The following NCR1 variants were observed in gnomAD, a reference collection of about 807,000 sequenced individuals.
NCR1 encodes the protein natural cytotoxicity triggering receptor 1, also known as NK cell-activating receptor.
A neutral mutation model predicts 32.5 loss-of-function variants in NCR1; 30 were observed. That is an observed-to-expected ratio of 0.92 (90% CI 0.69 to 1.25). The LOEUF (loss-of-function observed/expected upper bound fraction) is 1.25. NCR1 is among the 50% of genes most tolerant of loss of function. The pLI, the probability that NCR1 is intolerant of heterozygous loss-of-function variation, is 0.00. For missense variants in NCR1, 369 were observed against 380.7 expected (o/e 0.97, Z 0.26); for synonymous variants, 169 against 143.4 (o/e 1.18, Z -1.28).
At chr19:54,919,405 G>A (rs2068197915), downstream of NCR1, among the ~76,000 whole-genome samples, 2 of 152,344 alleles carry the variant, frequency 1.3e-5, no homozygotes, top group South Asian at 2.1e-4. Flanking sequence ...CCACTGGACA[G>A]GGGGCCCTTC....
At chr19:54,913,341 G>A (rs1223200176), downstream of NCR1, among the ~76,000 whole-genome samples, 3 of 152,060 alleles carry the variant, frequency 2.0e-5, no homozygotes, top group Non-Finnish European at 1.5e-5. Flanking sequence ...GGCATAAGCC[G>A]CTGCGCCCAG....
intron 4 of NCR1, 38 bp from the exon 5 acceptor site, chr19:54,909,980 A>G (rs1355215013): frequency 1.3e-6 from 2 of 1,571,542 alleles, no homozygotes; most frequent in East Asian, 2.3e-5. Context: ...GGAGGAAACC[A>G]AAAACCCTTA....
At chr19:54,916,470 C>G (rs908232708), downstream of NCR1, among the ~76,000 whole-genome samples, 3 of 151,128 alleles carry the variant, frequency 2.0e-5, no homozygotes, top group African/African-American at 7.3e-5. Flanking sequence ...AAGTGCGTGC[C>G]ACCACGCCCG....
chr19:54,911,273 C>T lies in NCR1; in HGVS notation c.683-895C>T, dbSNP rs587752128. Among the ~76,000 whole-genome samples the T allele has an allele frequency of 1.4e-3, 218 of 150,800 alleles. 2 individuals are homozygous for T. The highest frequency in any genetic ancestry group is 1.5e-3 in the Non-Finnish European group (101 of 67,726). ...CTGAGGCAGGAGAATGGCGTGAACC[C>T]GGGAGACGGAGCTTGCAGTGAGCTG... On this transcript the variant is annotated intron_variant, in intron 5 of 6. Coordinates refer to ENST00000291890, the MANE Select transcript of NCR1 (RefSeq NM_004829.7).
At chr19:54,905,555 GA>G (rs770964619), upstream of NCR1, among the ~76,000 whole-genome samples, 1 of 152,112 alleles carries the variant, frequency 6.6e-6, no homozygotes, top group East Asian at 1.9e-4. Flanking sequence ...TACTTTTCAA[GA>G]AAAATATGTT....
At chr19:54,922,967 CAGAG>C in the NCR1 span, among the ~76,000 whole-genome samples, 7 of 150,048 alleles carry the variant, frequency 4.7e-5, no homozygotes, top group Admixed American at 1.3e-4. Context: ...CACACAGAGA[CAGAG>C]AGAGAGAGAG....
the NCR1 span, among the ~76,000 whole-genome samples, chr19:54,934,858 C>T: frequency 3.9e-4 from 59 of 152,088 alleles, no homozygotes; most frequent in African/African-American, 1.1e-3. This position sits in a 1 kb window ranked among gnomAD's most constrained non-coding sequence, Gnocchi z 6.7. Flanking sequence ...TACAGGCATT[C>T]GCCAATTTTT....
In NCR1 at chr19:54,906,540, T is replaced by G. The variant is rs778072493; in HGVS notation, c.88T>G (p.Phe30Val). The part of the protein sequence containing the change: ...SAQQQTLPKP[F>V]IWAEPHFMVP... ...CCTTCCAGAGACTCTCCCAAAACCGTTCATCTGGGCCGAGCCCCATTTCAT... is the reference window on the plus strand; with the variant it reads ...CCTTCCAGAGACTCTCCCAAAACCGGTCATCTGGGCCGAGCCCCATTTCAT... Residue 30 changes from phenylalanine to valine, a missense_variant, in exon 3 of 7, where the codon TTC (phenylalanine) becomes GTC (valine). Transcript: ENST00000291890. The G allele has an allele frequency of 9.8e-5, 158 of 1,609,252 alleles. No individual in the cohort carries two copies. The South Asian group carries it at 1.4e-3, about 14-fold the overall frequency.
Position 54,912,982 on chromosome 19 carries a change from G to A in NCR1, c.*111G>A. The A allele has an allele frequency of 1.0e-6, 1 of 983,134 alleles. No homozygotes were observed. Among genetic ancestry groups the A allele is most frequent in the East Asian group, 2.6e-5 (1 of 37,864 alleles). 60.9% of individuals were successfully genotyped at this position (983,134 alleles called of 1,614,324 possible). ...GGAGGAGGGAGTCACTGCAGGGAAA[G>A]AGGGACACTGGCATTCCATTTGTCA... On this transcript the variant is annotated 3_prime_UTR_variant, in exon 7 of 7. Transcript: ENST00000291890.
upstream of NCR1, among the ~76,000 whole-genome samples, chr19:54,902,922 G>C (rs2067326062): frequency 6.6e-6 from 1 of 152,192 alleles, no homozygotes; most frequent in Non-Finnish European, 1.5e-5. Flanking sequence ...TTGAGGTCAA[G>C]AGTTCGAGAC....
chr19:54,912,178 G>A lies in NCR1; in HGVS notation c.693G>A (p.Trp231Ter). Residue 231 changes from tryptophan to a stop codon, truncating the protein, a stop_gained, in exon 6 of 7, where the codon TGG becomes TGA. Transcript: ENST00000291890. LOFTEE classifies it low-confidence loss of function (END_TRUNC). ...TTCCCTTATCATCAGCAGACACTTGGGGCACCTACCTTTTAACCACAGAGA... is the reference window on the plus strand; with the variant it reads ...TTCCCTTATCATCAGCAGACACTTGAGGCACCTACCTTTTAACCACAGAGA... ...PEDPTFPADTWGTYLLTTETG... is the reference protein window; with the variant it reads ...PEDPTFPADT 6.2e-7 allele frequency: 1 copy of A among 1,613,900 alleles called. No individual in the cohort carries two copies. Among genetic ancestry groups the A allele is most frequent in the Non-Finnish European group, 8.5e-7 (1 of 1,179,876 alleles).
chr19:54,930,437 G>A, the NCR1 span: 1 of 1,197,088 alleles, frequency 8.4e-7, no homozygotes, highest in Non-Finnish European at 1.2e-6. Flanking sequence ...ACTCCAGGCT[G>A]GGGGACAGAG....
the NCR1 span, among the ~76,000 whole-genome samples, chr19:54,926,060 C>T: frequency 7.2e-6 from 1 of 139,244 alleles, no homozygotes; most frequent in Admixed American, 7.1e-5. Flanking sequence ...AAGACTCCGT[C>T]TCAAAAAAAA....
At chr19:54,907,168 G>C (rs1178875797) in intron 3 of NCR1, among the ~76,000 whole-genome samples, 1 of 146,584 alleles carries the variant, frequency 6.8e-6, no homozygotes, top group African/African-American at 2.5e-5. Flanking sequence ...TTTTTTATCT[G>C]TTTTGAGACG....
At chr19:54,917,028 C>A (rs949214541), downstream of NCR1, among the ~76,000 whole-genome samples, 2 of 151,946 alleles carry the variant, frequency 1.3e-5, no homozygotes, top group Admixed American at 6.6e-5. Context: ...CATGCAGTGA[C>A]CCTTTTCAGC....
chr19:54,922,879 CAG>C, the NCR1 span, among the ~76,000 whole-genome samples: 1 of 149,294 alleles, frequency 6.7e-6, no homozygotes, highest in East Asian at 2.0e-4. Context: ...GAAACACAGA[CAG>C]ACACAGAGAC....
chr19:54,927,920 C>A, the NCR1 span: 1 of 744,160 alleles, frequency 1.3e-6, no homozygotes, highest in Non-Finnish European at 2.4e-6. Context: ...GGTCAAACCC[C>A]ATCTCTACTA....
rs146763120 is a variant in NCR1 at position 54,906,617 on chromosome 19, T to C, written c.165T>C (p.Ala55=). 1.2e-6 allele frequency: 2 copies of C among 1,614,230 alleles called. No individual in the cohort carries two copies. Among genetic ancestry groups the C allele is most frequent in the Non-Finnish European group, 1.7e-6 (2 of 1,180,048 alleles). ...VTICCQGNYG[A]VEYQLHFEGS... is the part of the protein sequence containing the mutation. Reference sequence around the variant, plus strand: ...TCTGTTGCCAGGGAAATTATGGGGCTGTTGAATACCAGCTGCACTTTGAAG... The same window carrying C: ...TCTGTTGCCAGGGAAATTATGGGGCCGTTGAATACCAGCTGCACTTTGAAG... The change falls in exon 3 of 7, where the codon GCT becomes GCC. Residue 55 remains alanine, a synonymous_variant. Transcript: ENST00000291890.
upstream of NCR1, among the ~76,000 whole-genome samples, chr19:54,905,774 C>G (rs587622651): frequency 9.5e-4 from 145 of 152,304 alleles, 1 homozygote; most frequent in African/African-American, 3.5e-3. Flanking sequence ...TTTACACATT[C>G]TGTAATTTCT....
Sources: gnomAD v4.1 joint callset for allele counts (sites outside exome capture counted in the v4.1 genomes callset) on GRCh38, gnomAD v4.1.1 for gene constraint, Gnocchi (gnomAD v3.1) non-coding constraint, MANE v1.5 for transcripts, NCBI Gene and HGNC (gene_info 2026-07-23, HGNC 2026-07-21) for gene names.